The following ESR1 variants were observed in gnomAD, a reference collection of about 807,000 sequenced individuals.
ESR1 encodes estrogen receptor.
In ESR1, 12 loss-of-function variants were observed where a neutral mutation model predicts 52.7. The observed-to-expected ratio is 0.23, with a 90% CI of 0.15 to 0.37. ESR1 has a LOEUF of 0.37. Among genes scored for constraint, ESR1 ranks in the 10% least tolerant of loss-of-function variants. The pLI is 1.00. For missense variants in ESR1, 584 were observed against 779.7 expected (o/e 0.75, Z 2.99); for synonymous variants, 305 against 316.8 (o/e 0.96, Z 0.39).
intron 2 of ESR1, among the ~76,000 whole-genome samples, chr6:151,798,278 C>T (rs1313005636): frequency 1.3e-5 from 2 of 151,948 alleles, no homozygotes; most frequent in Non-Finnish European, 2.9e-5. Flanking sequence ...ATAGGGCTGG[C>T]TTGGAAAGCC....
upstream of ESR1, among the ~76,000 whole-genome samples, chr6:151,686,814 G>A (rs1471636500): frequency 6.6e-6 from 1 of 152,148 alleles, no homozygotes; most frequent in Admixed American, 6.5e-5. Flanking sequence ...ACCACCAGAG[G>A]TGCCCTTGGA....
intron 2 of ESR1, among the ~76,000 whole-genome samples, chr6:151,791,215 C>T (rs570265069): frequency 6.6e-6 from 1 of 152,136 alleles, no homozygotes; most frequent in African/African-American, 2.4e-5. Context: ...CAAATCTCAT[C>T]TTGAATTGTA....
intron 3 of ESR1, among the ~76,000 whole-genome samples, chr6:151,903,442 C>T (rs1364177484): frequency 2.6e-5 from 4 of 152,178 alleles, no homozygotes; most frequent in Non-Finnish European, 5.9e-5. Flanking sequence ...CTAAACACTG[C>T]TTGACCTCAT....
In ESR1 at chr6:152,036,698, C is replaced by T. The variant is rs372960327; in HGVS notation, c.1236-24293C>T. ...GGAACTGAAATGTTTTAGCGAGAGT[C>T]ATGGGCCCAAACCTTGAAATAGAGG... On this transcript the variant is annotated intron_variant, in intron 5 of 7. Transcript: ENST00000206249. 5.3e-5 allele frequency among the ~76,000 whole-genome samples: 8 copies of T among 152,316 alleles called. No homozygotes were observed. In the East Asian group the frequency reaches 9.6e-4, roughly 18 times the overall value.
intron 1 of ESR1, among the ~76,000 whole-genome samples, chr6:151,696,660 CT>C (rs1779374754): frequency 6.6e-6 from 1 of 152,116 alleles, no homozygotes; most frequent in Admixed American, 6.5e-5. Flanking sequence ...TAGACAATCT[CT>C]ATCAGGTGTG....
intron 2 of ESR1, among the ~76,000 whole-genome samples, chr6:151,710,486 A>G (rs1780515896): frequency 1.3e-5 from 2 of 152,198 alleles, no homozygotes; most frequent in African/African-American, 4.8e-5. Context: ...AGCTTGAAAC[A>G]TGAAATTGCC....
intron 3 of ESR1, among the ~76,000 whole-genome samples, chr6:151,895,658 T>A (rs1795384224): frequency 6.6e-6 from 1 of 152,220 alleles, no homozygotes; most frequent in Non-Finnish European, 1.5e-5. Flanking sequence ...GTCATGCGAT[T>A]TTTGTTTTTA....
intron 5 of ESR1, among the ~76,000 whole-genome samples, chr6:152,052,837 C>G (rs1257358206): frequency 6.6e-6 from 1 of 152,040 alleles, no homozygotes; most frequent in Non-Finnish European, 1.5e-5. Context: ...TGCCTTTGTT[C>G]ACAAGTATCC....
upstream of ESR1, among the ~76,000 whole-genome samples, chr6:151,799,526 T>C (rs1003229511): frequency 1.6e-4 from 24 of 152,212 alleles, no homozygotes; most frequent in African/African-American, 5.5e-4. Context: ...GTTCAAATAG[T>C]ATTTGTTGGG....
intron 4 of ESR1, among the ~76,000 whole-genome samples, chr6:151,971,097 C>T (rs77522559): frequency 6.6e-6 from 1 of 152,112 alleles, no homozygotes. Flanking sequence ...TTAATAGATG[C>T]CTCTTGGCTG....
At chr6:151,725,320 G>T (rs1431103500) in intron 2 of ESR1, among the ~76,000 whole-genome samples, 1 of 152,126 alleles carries the variant, frequency 6.6e-6, no homozygotes, top group East Asian at 1.9e-4. Flanking sequence ...ATGTGGTTGT[G>T]GGGGGCAGGG....
intron 2 of ESR1, among the ~76,000 whole-genome samples, chr6:151,859,064 C>G (rs1788405907): frequency 6.6e-6 from 1 of 152,198 alleles, no homozygotes; most frequent in African/African-American, 2.4e-5. Context: ...GCCAATATGG[C>G]AGTAGATATG....
chr6:152,002,925 T>G (rs568110781), intron 4 of ESR1, among the ~76,000 whole-genome samples: 1 of 152,160 alleles, frequency 6.6e-6, no homozygotes, highest in African/African-American at 2.4e-5. Context: ...CATAGCATAA[T>G]TGTAGCAAAT....
chr6:152,101,620 A>G lies in ESR1; in HGVS notation c.*2654A>G. The stretch of plus-strand genomic sequence containing the variant: ...ATGGACAGCAGATATTTTCTGGCTG[A>G]TGTTGGTATTGGGTGTAGGAACATG... On this transcript the variant is annotated 3_prime_UTR_variant, in exon 8 of 8. Coordinates refer to ENST00000206249, the MANE Select transcript of ESR1 (RefSeq NM_000125.4). 4.3e-6 allele frequency: 1 copy of G among 230,636 alleles called. No homozygotes were observed. The highest frequency in any genetic ancestry group is 8.6e-6 in the Non-Finnish European group (1 of 116,528). The allele number at this position is 230,636 out of a possible 1,614,324, so 14.3% of individuals were successfully genotyped here.
chr6:151,828,905 C>G (rs181263655), intron 1 of ESR1, among the ~76,000 whole-genome samples: 1 of 152,314 alleles, frequency 6.6e-6, no homozygotes, highest in African/African-American at 2.4e-5. Context: ...GTTACATGAG[C>G]AGCAAAAGGA....
rs1019952337 is a variant in ESR1, at chr6:152,099,152, G to A, written c.*186G>A. On this transcript the variant is annotated 3_prime_UTR_variant, in exon 8 of 8. Coordinates refer to ENST00000206249, the MANE Select transcript of ESR1 (RefSeq NM_000125.4). The stretch of plus-strand genomic sequence containing the variant: ...GTGGCACATCTTCTGTCTTCTGTTG[G>A]GAACAGCCAAAGGGATTCCAAGGCT... 7.9e-6 allele frequency: 5 copies of A among 633,794 alleles called. No individual in the cohort carries two copies. In the Admixed American group the frequency reaches 9.1e-5, roughly 11 times the overall value. 39.3% of individuals were successfully genotyped at this position (633,794 alleles called of 1,614,324 possible).
chr6:151,736,402 T>C (rs1406555547), intron 2 of ESR1, among the ~76,000 whole-genome samples: 2 of 149,830 alleles, frequency 1.3e-5, no homozygotes, highest in African/African-American at 4.9e-5. Context: ...AGATGGAGTT[T>C]CACTCTGTAG....
At chr6:151,712,137 A>G (rs764679169) in intron 2 of ESR1, among the ~76,000 whole-genome samples, 4 of 152,174 alleles carry the variant, frequency 2.6e-5, no homozygotes, top group African/African-American at 4.8e-5. Context: ...CAGGTTTGCC[A>G]AAGATCAGAT....
intron 2 of ESR1, among the ~76,000 whole-genome samples, chr6:151,871,114 G>C (rs1002425356): frequency 6.6e-6 from 1 of 151,282 alleles, no homozygotes; most frequent in Admixed American, 6.6e-5. Flanking sequence ...GCCTCCCAAA[G>C]TGCCTGGAAA....
Sources: gnomAD v4.1 joint callset for allele counts (sites outside exome capture counted in the v4.1 genomes callset) on GRCh38, gnomAD v4.1.1 for gene constraint, MANE v1.5 for transcripts, NCBI Gene and HGNC (gene_info 2026-07-23, HGNC 2026-07-21) for gene names.